TTYH2: variants seen among roughly 807,000 people sequenced by gnomAD.
TTYH2 encodes the protein tweety family member 2, also known as protein tweety homolog 2.
In TTYH2, 49 loss-of-function variants were observed where a neutral mutation model predicts 68.3. The observed-to-expected ratio is 0.72, with a 90% CI of 0.57 to 0.91. The LOEUF is 0.91. TTYH2 is among the 40% of genes least tolerant of loss of function. The probability of loss-of-function intolerance (pLI) is 0.00; values close to 1 mark genes in which losing one functional copy is unlikely to be tolerated. For synonymous variants in TTYH2, 272 were observed against 300.8 expected (o/e 0.90, Z 0.99); for missense variants, 631 against 700.4 (o/e 0.90, Z 1.12).
At chr17:74,238,474 T>C (rs917594149) in intron 4 of TTYH2, among the ~76,000 whole-genome samples, 5 of 151,900 alleles carry the variant, frequency 3.3e-5, no homozygotes, top group African/African-American at 4.8e-5. Flanking sequence ...TCATGGCTCA[T>C]TGTAGCCTTG....
At chr17:74,237,976 A>G (rs2050460748) in intron 4 of TTYH2, among the ~76,000 whole-genome samples, 1 of 152,160 alleles carries the variant, frequency 6.6e-6, no homozygotes. Context: ...TCAGGAGAAC[A>G]TGGGGGCTTA....
intron 2 of TTYH2, among the ~76,000 whole-genome samples, chr17:74,224,932 G>A (rs886679761): frequency 9.9e-5 from 15 of 152,074 alleles, no homozygotes; most frequent in Non-Finnish European, 2.9e-5. Flanking sequence ...CCGGGAGGCA[G>A]GGGTTGCAGT....
At chr17:74,228,945 AG>A (rs2143733304) in intron 2 of TTYH2, among the ~76,000 whole-genome samples, 1 of 152,282 alleles carries the variant, frequency 6.6e-6, no homozygotes, top group South Asian at 2.1e-4. Flanking sequence ...GCATGAGGTG[AG>A]AGGGTTATGA....
At position 74,217,367 on chromosome 17, in the gene TTYH2, T is replaced by C. The variant is rs2050230921; in HGVS notation, c.129+3651T>C. ...GCATGTATTTCCACGTGTTCTCTCA[T>C]TGGTTGGTTCCGTTCATAGATTCGC... On this transcript the variant is annotated intron_variant, in intron 1 of 13. Coordinates refer to ENST00000269346, the MANE Select transcript of TTYH2 (RefSeq NM_032646.6). The surrounding 1 kb of genome is among the most constrained non-coding windows in gnomAD (Gnocchi z 4.0). Among the ~76,000 whole-genome samples, 1 of 152,212 alleles carries C rather than the reference T, an allele frequency of 6.6e-6. No homozygotes were observed. Among genetic ancestry groups the C allele is most frequent in the South Asian group, 2.1e-4 (1 of 4,834 alleles).
Position 74,253,285 on chromosome 17 carries a change from C to T in TTYH2, c.1445+19C>T. The T allele has an allele frequency of 6.4e-7, 1 of 1,566,704 alleles. No individual in the cohort carries two copies. The highest frequency in any genetic ancestry group is 1.9e-5 in the Admixed American group (1 of 52,586). The stretch of plus-strand genomic sequence containing the variant: ...AGTACATGTACGGCCTGCACACACA[C>T]CCAGGCTGGGTAGCACTGCCCGGAC... On this transcript the variant is annotated intron_variant, in intron 12 of 13. Coordinates refer to ENST00000269346, the MANE Select transcript of TTYH2 (RefSeq NM_032646.6).
Position 74,237,519 on chromosome 17 carries a change from A to C in TTYH2, c.635+5A>C. The stretch of plus-strand genomic sequence containing the variant: ...TGGCTACGTGGAGTACTACAGGTGA[A>C]GGACCGGTGGGAGGCAGAGGGAGGG... On this transcript the variant is annotated splice_donor_5th_base_variant and intron_variant, in intron 4 of 13. Coordinates refer to ENST00000269346, the MANE Select transcript of TTYH2 (RefSeq NM_032646.6). The C allele has an allele frequency of 6.3e-7, 1 of 1,597,882 alleles. No individual in the cohort carries two copies. Among genetic ancestry groups the C allele is most frequent in the Non-Finnish European group, 8.6e-7 (1 of 1,168,112 alleles).
At chr17:74,235,720 T>A (rs367847500) in intron 3 of TTYH2, among the ~76,000 whole-genome samples, 3 of 151,836 alleles carry the variant, frequency 2.0e-5, no homozygotes, top group Non-Finnish European at 4.4e-5. Flanking sequence ...GGTGAAACTG[T>A]CTCCACTAAA....
intron 2 of TTYH2, among the ~76,000 whole-genome samples, chr17:74,226,077 C>T (rs182220245): frequency 2.6e-5 from 4 of 152,320 alleles, no homozygotes; most frequent in Admixed American, 6.5e-5. Flanking sequence ...TGCTATCCTC[C>T]AAGGCAAGGG....
chr17:74,218,046 C>T (rs1255573422), intron 1 of TTYH2, among the ~76,000 whole-genome samples: 3 of 152,080 alleles, frequency 2.0e-5, no homozygotes, highest in African/African-American at 7.2e-5. Flanking sequence ...GAACTCTTGG[C>T]TCCCTCCTCC....
Position 74,214,921 on chromosome 17 carries a change from C to T in TTYH2, c.129+1205C>T, listed in dbSNP as rs1242999788. ...GGAGTCTAATAATAACCCCTGACGACCCGGCTGCCATCAGGCCCAGGCAGA... is the reference window on the plus strand; with the variant it reads ...GGAGTCTAATAATAACCCCTGACGATCCGGCTGCCATCAGGCCCAGGCAGA... On this transcript the variant is annotated intron_variant, in intron 1 of 13. Transcript: ENST00000269346. The surrounding 1 kb of genome is among the most constrained non-coding windows in gnomAD (Gnocchi z 4.6). 6.6e-6 allele frequency among the ~76,000 whole-genome samples: 1 copy of T among 152,122 alleles called. No individual in the cohort carries two copies. The highest frequency in any genetic ancestry group is 1.5e-5 in the Non-Finnish European group (1 of 68,006).
rs535706537 is a variant in TTYH2 at position 74,217,596 on chromosome 17, C to T, written c.129+3880C>T. ...TCACGGTCATCAGACAGTCATGCCGCGCCTGGGAGAGGGCTTAATCTTTCC... is the reference window on the plus strand; with the variant it reads ...TCACGGTCATCAGACAGTCATGCCGTGCCTGGGAGAGGGCTTAATCTTTCC... On this transcript the variant is annotated intron_variant, in intron 1 of 13. Coordinates refer to ENST00000269346, the MANE Select transcript of TTYH2 (RefSeq NM_032646.6). This position sits in a 1 kb window ranked among gnomAD's most constrained non-coding sequence, Gnocchi z 4.0. Among the ~76,000 whole-genome samples the T allele has an allele frequency of 7.0e-4, 107 of 152,300 alleles. No homozygotes were observed. Among genetic ancestry groups the T allele is most frequent in the Non-Finnish European group, 1.2e-3 (85 of 68,022 alleles).
chr17:74,247,181 C>CAAA (rs71157049), intron 6 of TTYH2, among the ~76,000 whole-genome samples: 2 of 77,224 alleles, frequency 2.6e-5, no homozygotes, highest in Non-Finnish European at 2.7e-5. Flanking sequence ...GACTCTGTCT[C>CAAA]AAAAAAAAAA....
At chr17:74,224,181 G>A (rs2050306807) in intron 2 of TTYH2, among the ~76,000 whole-genome samples, 2 of 152,174 alleles carry the variant, frequency 1.3e-5, no homozygotes, top group South Asian at 2.1e-4. Context: ...AGGCCAAGGC[G>A]GGTGGATCGC....
intron 3 of TTYH2, among the ~76,000 whole-genome samples, chr17:74,233,077 C>T (rs750148540): frequency 2.0e-5 from 3 of 152,206 alleles, no homozygotes; most frequent in Non-Finnish European, 2.9e-5. Flanking sequence ...TCGTCCTCTC[C>T]GTTGTTACCG....
chr17:74,250,296 A>G lies in TTYH2; in HGVS notation c.1055A>G (p.Asn352Ser). ...CTGCTTGCAATCCAGCTCCTGCTGAACTCCTCAGAGTCCAGCCTTCACCAG... is the reference window on the plus strand; with the variant it reads ...CTGCTTGCAATCCAGCTCCTGCTGAGCTCCTCAGAGTCCAGCCTTCACCAG... ...EDLLAIQLLL[N>S]SSESSLHQLT... is the part of the protein sequence containing the mutation. Residue 352 changes from asparagine to serine, a missense_variant, in exon 10 of 14, where the codon AAC becomes AGC. Asn to Ser is a conservative substitution (Grantham distance 46). Transcript: ENST00000269346. The G allele has an allele frequency of 6.2e-7, 1 of 1,613,556 alleles. No homozygotes were observed. The highest frequency in any genetic ancestry group is 8.5e-7 in the Non-Finnish European group (1 of 1,179,826).
At chr17:74,231,081 C>A in intron 3 of TTYH2, 82 bp downstream of exon 3, 2 of 1,249,690 alleles carry the variant, frequency 1.6e-6, no homozygotes, top group Admixed American at 3.6e-5. Context: ...CGTCAGATCC[C>A]AGCTAGCTCA....
chr17:74,225,627 G>T (rs1427027429), intron 2 of TTYH2, among the ~76,000 whole-genome samples: 1 of 152,212 alleles, frequency 6.6e-6, no homozygotes, highest in Non-Finnish European at 1.5e-5. Flanking sequence ...ACCACCACCT[G>T]CAGGCCAGAG....
Position 74,253,832 on chromosome 17 carries a change from C to T in TTYH2, c.1523C>T (p.Thr508Met), listed in dbSNP as rs376692420. The part of the protein sequence containing the change: ...PLIGRASPPP[T>M]YSPSMRATYL... ...ATCGGGAGAGCCTCCCCTCCGCCTA[C>T]GGTAATTGGGGCTCTGGCCCTTCCT... Residue 508 changes from threonine to methionine, a missense_variant and splice_region_variant, in exon 13 of 14, where the codon ACG (threonine) becomes ATG (methionine). Thr to Met is a moderately conservative substitution (Grantham distance 81, BLOSUM62 -1). Coordinates refer to ENST00000269346, the MANE Select transcript of TTYH2 (RefSeq NM_032646.6). 133 of 1,614,052 alleles carry T rather than the reference C, an allele frequency of 8.2e-5. No homozygotes were observed. The highest frequency in any genetic ancestry group is 1.1e-4 in the Non-Finnish European group (125 of 1,179,994).
intron 6 of TTYH2, chr17:74,248,384 T>A (rs980755131): frequency 5.0e-5 from 49 of 986,936 alleles, no homozygotes; most frequent in Middle Eastern, 5.2e-4. Flanking sequence ...CAGGCCGTGC[T>A]GTGGGGCCAG....
Sources: allele counts gnomAD v4.1 joint callset (sites outside exome capture counted in the v4.1 genomes callset), GRCh38; gene constraint gnomAD v4.1.1; non-coding constraint Gnocchi (gnomAD v3.1); transcripts MANE v1.5; gene names NCBI Gene and HGNC (gene_info 2026-07-23, HGNC 2026-07-21).